CALN1: variants seen among roughly 807,000 people sequenced by gnomAD.
CALN1 encodes calcium-binding protein 8.
CALN1 carries 17 observed loss-of-function variants against 30.6 expected under a neutral mutation model. The observed-to-expected ratio is 0.56, with a 90% confidence interval of 0.38 to 0.83. The LOEUF is 0.83. Ranked by LOEUF, CALN1 falls within the 40% of genes least tolerant of loss-of-function variation. CALN1 has a pLI of 0.00. For missense variants in CALN1, 291 were observed against 354.9 expected, an observed-to-expected ratio of 0.82 and a Z score of 1.45; for synonymous variants, 156 against 131.4, an observed-to-expected ratio of 1.19 and a Z score of -1.28.
chr7:72,351,272 G>C lies in CALN1; in HGVS notation c.119+51979C>G, dbSNP rs1464327915. Among the ~76,000 whole-genome samples, 3 of 152,142 alleles carry C rather than the reference G, an allele frequency of 2.0e-5. No homozygotes were observed. In the South Asian group the frequency reaches 6.2e-4, roughly 32 times the overall value. ...AATCCTAGCCCTTTGGGAGGCTGAG[G>C]CAGGAGGATCACTTGAGCCCAGGAG... On this transcript the variant is annotated intron_variant, in intron 2 of 6. Coordinates refer to ENST00000395275, the MANE Select transcript of CALN1 (RefSeq NM_031468.4).
intron 5 of CALN1, among the ~76,000 whole-genome samples, chr7:71,818,642 T>C (rs1295112557): frequency 1.3e-5 from 2 of 151,880 alleles, no homozygotes; most frequent in African/African-American, 4.8e-5. Flanking sequence ...AATGCTGAGA[T>C]TACAGGCACT....
Position 72,302,650 on chromosome 7 carries a change from T to C in CALN1, c.120-23840A>G, listed in dbSNP as rs375173105. 2.0e-5 allele frequency among the ~76,000 whole-genome samples: 3 copies of C among 152,018 alleles called. No homozygotes were observed. In the South Asian group the frequency reaches 6.2e-4, roughly 32 times the overall value. ...GGCTCACACCTGTAATCCCAGCACT[T>C]TGGGAGGCCAAGGCACGTGGATCAC... is the stretch of plus-strand genomic sequence containing the variant. On this transcript the variant is annotated intron_variant, in intron 2 of 6. Coordinates refer to ENST00000395275, the MANE Select transcript of CALN1 (RefSeq NM_031468.4).
intron 3 of CALN1, among the ~76,000 whole-genome samples, chr7:72,257,812 G>GCA (rs1305762374): frequency 6.6e-6 from 1 of 152,222 alleles, no homozygotes; most frequent in Non-Finnish European, 1.5e-5. Flanking sequence ...AATGGCCTTT[G>GCA]CAGCAACTTA....
At chr7:72,046,977 T>G (rs924162404) in intron 4 of CALN1, among the ~76,000 whole-genome samples, 6 of 151,800 alleles carry the variant, frequency 4.0e-5, no homozygotes, top group African/African-American at 1.2e-4. Context: ...GGTGGCAAAA[T>G]CACCTGAGCC....
chr7:72,307,402 T>C (rs1199244806), intron 2 of CALN1, among the ~76,000 whole-genome samples: 2 of 152,174 alleles, frequency 1.3e-5, no homozygotes, highest in Non-Finnish European at 2.9e-5. Flanking sequence ...GCCATAAAAC[T>C]GAGGGCACAC....
intron 2 of CALN1, among the ~76,000 whole-genome samples, chr7:72,369,359 T>TGTTG (rs1554390886): frequency 4.8e-5 from 7 of 146,714 alleles, no homozygotes; most frequent in African/African-American, 1.0e-4. Context: ...TATTTATTTT[T>TGTTG]TTGTTGTTGT....
At chr7:72,387,186 A>C (rs917509652) in intron 2 of CALN1, among the ~76,000 whole-genome samples, 2 of 135,818 alleles carry the variant, frequency 1.5e-5, no homozygotes, top group Non-Finnish European at 3.2e-5. Context: ...TGATCAAACT[A>C]AGGAAGGGAG....
chr7:71,900,422 C>T (rs1208272212), intron 5 of CALN1, among the ~76,000 whole-genome samples: 1 of 152,100 alleles, frequency 6.6e-6, no homozygotes, highest in Admixed American at 6.5e-5. Context: ...AAAGACTCTG[C>T]CAAAAGACTC....
intron 3 of CALN1, among the ~76,000 whole-genome samples, chr7:72,141,459 G>C (rs970452665): frequency 1.3e-5 from 2 of 151,932 alleles, no homozygotes; most frequent in African/African-American, 4.8e-5. Flanking sequence ...AATTACCTGG[G>C]TGTGATGGCA....
chr7:71,914,641 T>G (rs1026172768), intron 5 of CALN1, among the ~76,000 whole-genome samples: 1 of 152,196 alleles, frequency 6.6e-6, no homozygotes, highest in Admixed American at 6.5e-5. Context: ...CCCACAATGA[T>G]TGAACTAATT....
intron 2 of CALN1, among the ~76,000 whole-genome samples, chr7:72,387,534 T>A (rs921365905): frequency 2.0e-5 from 3 of 152,134 alleles, no homozygotes; most frequent in African/African-American, 7.2e-5. Context: ...GACAGTCATG[T>A]TGACAGTGTA....
At chr7:72,266,623 T>C (rs1013144764) in intron 3 of CALN1, among the ~76,000 whole-genome samples, 3 of 152,218 alleles carry the variant, frequency 2.0e-5, no homozygotes, top group Admixed American at 1.3e-4. Context: ...TTCTTTTATC[T>C]TATGATGCCT....
At chr7:72,040,084 G>GA (rs1205615325) in intron 4 of CALN1, among the ~76,000 whole-genome samples, 1 of 152,068 alleles carries the variant, frequency 6.6e-6, no homozygotes, top group Non-Finnish European at 1.5e-5. Flanking sequence ...AATTGAATGA[G>GA]AAAACACCCC....
At chr7:72,398,227 T>C (rs1806108812) in intron 2 of CALN1, among the ~76,000 whole-genome samples, 1 of 152,236 alleles carries the variant, frequency 6.6e-6, no homozygotes, top group South Asian at 2.1e-4. Context: ...CCTCTCACTG[T>C]GCAGGACCTT....
At chr7:72,221,256 C>T (rs1055282821) in intron 3 of CALN1, among the ~76,000 whole-genome samples, 5 of 151,634 alleles carry the variant, frequency 3.3e-5, no homozygotes, top group Non-Finnish European at 7.4e-5. Context: ...TTATAAGAGC[C>T]CCGAAAACGT....
At chr7:72,211,063 A>C (rs912022700) in intron 3 of CALN1, among the ~76,000 whole-genome samples, 1 of 151,816 alleles carries the variant, frequency 6.6e-6, no homozygotes, top group African/African-American at 2.4e-5. Flanking sequence ...CTAAAAAAAT[A>C]AGTAAAATGA....
chr7:72,025,717 G>T (rs570482662), intron 4 of CALN1, among the ~76,000 whole-genome samples: 1 of 152,314 alleles, frequency 6.6e-6, no homozygotes, highest in South Asian at 2.1e-4. Flanking sequence ...TACCTTGGCT[G>T]CAGCCAGCAC....
At chr7:72,383,065 C>T (rs867595377) in intron 2 of CALN1, among the ~76,000 whole-genome samples, 3 of 152,200 alleles carry the variant, frequency 2.0e-5, no homozygotes, top group Non-Finnish European at 2.9e-5. Flanking sequence ...GGATTACGGG[C>T]ATGAGCCACC....
chr7:72,109,957 AG>A (rs1807446147), intron 3 of CALN1, among the ~76,000 whole-genome samples: 2 of 152,236 alleles, frequency 1.3e-5, no homozygotes, highest in Admixed American at 1.3e-4. Flanking sequence ...ATGCAACAGT[AG>A]GAAGTGTCAG....
Sources: gnomAD v4.1 joint callset for allele counts (sites outside exome capture counted in the v4.1 genomes callset) on GRCh38, gnomAD v4.1.1 for gene constraint, MANE v1.5 for transcripts, NCBI Gene and HGNC (gene_info 2026-07-23, HGNC 2026-07-21) for gene names.